KCNN1: variants seen among roughly 807,000 people sequenced by gnomAD.
The protein encoded by KCNN1 is potassium calcium-activated channel subfamily N member 1, also known as small conductance calcium-activated potassium channel protein 1.
In KCNN1, 20 loss-of-function variants were observed where a neutral mutation model predicts 44.7. That is an observed-to-expected ratio of 0.45 (90% CI 0.32 to 0.65). KCNN1 has a LOEUF of 0.65. KCNN1 is among the 30% of genes least tolerant of loss of function. The pLI is 0.05. For missense variants in KCNN1, 632 were observed against 785.3 expected, an observed-to-expected ratio of 0.80 and a Z score of 2.33; for synonymous variants, 324 against 341.7, an observed-to-expected ratio of 0.95 and a Z score of 0.57.
chr19:17,989,274 G>A (rs2032707328), intron 6 of KCNN1, among the ~76,000 whole-genome samples: 1 of 152,082 alleles, frequency 6.6e-6, no homozygotes, highest in African/African-American at 2.4e-5. Flanking sequence ...CCTGGCCAAC[G>A]TGATGAAACC....
chr19:17,963,944 G>GA, upstream of KCNN1, among the ~76,000 whole-genome samples: 1 of 152,202 alleles, frequency 6.6e-6, no homozygotes, highest in East Asian at 1.9e-4. Flanking sequence ...GCCTAGGCTG[G>GA]ACAGTACTTT....
chr19:17,985,394 G>A lies in KCNN1; in HGVS notation c.1000G>A (p.Gly334Ser). 1 of 1,611,772 alleles carries A rather than the reference G, an allele frequency of 6.2e-7. No individual in the cohort carries two copies. The highest frequency in any genetic ancestry group is 8.5e-7 in the Non-Finnish European group (1 of 1,178,444). The change falls in exon 5 of 10, where the codon GGC becomes AGC. Residue 334 changes from glycine to serine, a missense_variant. Transcript: ENST00000684775. ...ISITFLSIGY[G>S]DMVPHTYCGK... ...CATCACCTTCCTCTCCATTGGCTAC[G>A]GCGACATGGTGCCCCACACCTACTG... is the stretch of plus-strand genomic sequence containing the variant.
At chr19:17,995,239 C>G (rs982497945) in intron 9 of KCNN1, among the ~76,000 whole-genome samples, 8 of 151,280 alleles carry the variant, frequency 5.3e-5, no homozygotes, top group Non-Finnish European at 1.2e-4. Context: ...GTGGCAAAAT[C>G]ATGGCTCACC....
chr19:17,992,001 T>C (rs968294788), intron 7 of KCNN1, among the ~76,000 whole-genome samples: 3 of 152,132 alleles, frequency 2.0e-5, no homozygotes, highest in Middle Eastern at 3.2e-3. Context: ...TATATAATTT[T>C]AAATTTGCTA....
chr19:17,993,582 G>C lies in KCNN1; in HGVS notation c.1377+23G>C. On this transcript the variant is annotated intron_variant, in intron 9 of 9. Coordinates refer to ENST00000684775, the MANE Select transcript of KCNN1 (RefSeq NM_001386974.1). This position sits in a 1 kb window ranked among gnomAD's most constrained non-coding sequence, Gnocchi z 4.5. Reference sequence around the variant, plus strand: ...AAGGTGAGTGGGTTGGGGCAGGGTGGGCCAGACAGGGCAGGTGGGGCCCCG... The same window carrying C: ...AAGGTGAGTGGGTTGGGGCAGGGTGCGCCAGACAGGGCAGGTGGGGCCCCG... The C allele has an allele frequency of 6.2e-7, 1 of 1,610,042 alleles. No homozygotes were observed.
Position 17,981,833 on chromosome 19 carries a change from C to G in KCNN1, c.623C>G (p.Thr208Arg), listed in dbSNP as rs767047963. The G allele has an allele frequency of 6.2e-7, 1 of 1,613,018 alleles. No individual in the cohort carries two copies. Among genetic ancestry groups the G allele is most frequent in the Non-Finnish European group, 8.5e-7 (1 of 1,179,468 alleles). ...IHPVPGHYRF[T>R]WTARLAFTYA... ...CCGGTGCCCGGCCACTACCGCTTCA[C>G]GTGGACGGCGCGGCTGGCCTTCACG... Residue 208 changes from threonine to arginine, a missense_variant, in exon 4 of 10, where the codon ACG becomes AGG. This residue lies in a region of KCNN1 where 160 missense variants were observed against 308.3 expected (regional missense o/e 0.52). Coordinates refer to ENST00000684775, the MANE Select transcript of KCNN1 (RefSeq NM_001386974.1).
chr19:17,998,854 T>A lies in KCNN1; in HGVS notation c.*448T>A, dbSNP rs2033094375. On this transcript the variant is annotated 3_prime_UTR_variant, in exon 10 of 10. Transcript: ENST00000684775. The surrounding 1 kb of genome is among the most constrained non-coding windows in gnomAD (Gnocchi z 5.4). The stretch of plus-strand genomic sequence containing the variant: ...AGAATCCTAGCCTAGAAGCCCTCTC[T>A]CCCTCTGGGCTGGAGCTCAGTGAGG... 6.5e-6 allele frequency: 1 copy of A among 154,972 alleles called. No homozygotes were observed. Among genetic ancestry groups the A allele is most frequent in the Non-Finnish European group, 1.4e-5 (1 of 69,994 alleles). The allele number at this position is 154,972 out of a possible 1,614,324, so 9.6% of individuals were successfully genotyped here.
chr19:17,997,597 T>TC (rs35489347), intron 9 of KCNN1, among the ~76,000 whole-genome samples: 8 of 151,824 alleles, frequency 5.3e-5, no homozygotes, highest in Middle Eastern at 3.2e-3. Flanking sequence ...TCCTGCCTCA[T>TC]CCCCCCCGAG....
At chr19:17,958,080 G>A (rs977731769) in intron 2 of KCNN1, among the ~76,000 whole-genome samples, 1 of 152,002 alleles carries the variant, frequency 6.6e-6, no homozygotes, top group East Asian at 1.9e-4. Context: ...GTGCTCTTTG[G>A]GCTGAGCCTG....
intron 4 of KCNN1, chr19:17,982,587 C>T: frequency 3.0e-6 from 3 of 985,350 alleles, no homozygotes; most frequent in Non-Finnish European, 3.6e-6. Flanking sequence ...GTGAGTCCCA[C>T]CCTCCGCTGA....
chr19:17,975,279 T>C, intron 3 of KCNN1, 92 bp downstream of exon 3: 1 of 832,622 alleles, frequency 1.2e-6, no homozygotes, highest in Non-Finnish European at 2.0e-6. Context: ...CCTCAAAACA[T>C]AAAAGGATGT....
At chr19:17,988,883 C>A (rs916761657) in intron 6 of KCNN1, among the ~76,000 whole-genome samples, 1 of 151,328 alleles carries the variant, frequency 6.6e-6, no homozygotes, top group Non-Finnish European at 1.5e-5. Flanking sequence ...TGCACTCGAA[C>A]CTGGGTGACA....
intron 2 of KCNN1, among the ~76,000 whole-genome samples, chr19:17,958,785 C>T (rs2031607147): frequency 1.3e-5 from 2 of 151,060 alleles, no homozygotes; most frequent in Admixed American, 6.6e-5. Context: ...GCAAGTTCTG[C>T]CTCCCAGGTT....
chr19:17,996,166 C>CAA lies in KCNN1; in HGVS notation c.1378-1968_1378-1967dup, dbSNP rs757072562. Among the ~76,000 whole-genome samples, 785 of 92,066 alleles carry CAA rather than the reference C, an allele frequency of 8.5e-3. 18 individuals are homozygous for CAA. Among genetic ancestry groups the CAA allele is most frequent in the Middle Eastern group, 0.029 (5 of 172 alleles). 60.4% of individuals were successfully genotyped at this position (92,066 alleles called of 152,430 possible). On this transcript the variant is annotated intron_variant, in intron 9 of 9. Coordinates refer to ENST00000684775, the MANE Select transcript of KCNN1 (RefSeq NM_001386974.1). ...GCAACATGGCAAAACTCCATTGCTA[C>CAA]AAAAAAAAAAAAAAAAAAATAGAAA...
intron 2 of KCNN1, among the ~76,000 whole-genome samples, chr19:17,962,065 G>C (rs1600002047): frequency 6.6e-6 from 1 of 152,148 alleles, no homozygotes; most frequent in African/African-American, 2.4e-5. Flanking sequence ...GCAAATTTAT[G>C]GGATCGGTTG....
chr19:17,971,455 T>A (rs1323438547), intron 1 of KCNN1, among the ~76,000 whole-genome samples: 1 of 151,510 alleles, frequency 6.6e-6, no homozygotes, highest in African/African-American at 2.4e-5. Flanking sequence ...TTCAGGCAGG[T>A]TTGTATTATT....
At position 17,974,339 on chromosome 19, in the gene KCNN1, G is replaced by C. The variant is rs763266439; in HGVS notation, c.402+49G>C. 1 of 1,500,274 alleles carries C rather than the reference G, an allele frequency of 6.7e-7. No individual in the cohort carries two copies. The highest frequency in any genetic ancestry group is 2.3e-5 in the East Asian group (1 of 42,868). 92.9% of individuals were successfully genotyped at this position (1,500,274 alleles called of 1,614,324 possible). A position where few individuals can be genotyped will look rare whatever the true frequency, so the allele number is the denominator to read the frequency against. The stretch of plus-strand genomic sequence containing the variant: ...ACTCCAGGGAGGTTCCACCAAGCCC[G>C]CCTAGCTTTCTTGACATGGGGTTGG... On this transcript the variant is annotated intron_variant, in intron 2 of 9. Coordinates refer to ENST00000684775, the MANE Select transcript of KCNN1 (RefSeq NM_001386974.1). The surrounding 1 kb of genome is among the most constrained non-coding windows in gnomAD (Gnocchi z 7.3).
chr19:17,998,134 CCT>C lies in KCNN1; in HGVS notation c.1378-13_1378-12del, dbSNP rs766298754. The C allele has an allele frequency of 3.2e-5, 50 of 1,568,584 alleles. No homozygotes were observed. The highest frequency in any genetic ancestry group is 3.8e-5 in the Non-Finnish European group (44 of 1,157,618). On this transcript the variant is annotated splice_polypyrimidine_tract_variant and intron_variant, in intron 9 of 9. Transcript: ENST00000684775. This position sits in a 1 kb window ranked among gnomAD's most constrained non-coding sequence, Gnocchi z 5.4. ...CACTCAGCGGCGCCTCTCTCCTGCC[CCT>C]CTCTGTCTCCCGCAGACCCAGACCG...
At chr19:17,979,695 G>T (rs569186007) in intron 3 of KCNN1, among the ~76,000 whole-genome samples, 86 of 152,238 alleles carry the variant, frequency 5.6e-4, no homozygotes, top group South Asian at 1.0e-3. Flanking sequence ...CATGGAGGGT[G>T]AGCAATGGCG....
Sources: allele counts gnomAD v4.1 joint callset (sites outside exome capture counted in the v4.1 genomes callset), GRCh38; gene constraint gnomAD v4.1.1; regional missense constraint gnomAD v4.1.1; non-coding constraint Gnocchi (gnomAD v3.1); transcripts MANE v1.5; gene names NCBI Gene and HGNC (gene_info 2026-07-23, HGNC 2026-07-21).